Variants in METTL16 observed in about 807,000 individuals in gnomAD.
METTL16 encodes the protein RNA N(6)-adenosine-methyltransferase METTL16.
In METTL16, 19 loss-of-function variants were observed where a neutral mutation model predicts 57.9. That is an observed-to-expected ratio of 0.33 (90% CI 0.23 to 0.48). METTL16 has a LOEUF of 0.48. Among genes scored for constraint, METTL16 ranks in the 20% least tolerant of loss-of-function variants. The probability of loss-of-function intolerance (pLI) is 0.99; values close to 1 mark genes in which losing one functional copy is unlikely to be tolerated. For synonymous variants in METTL16, 246 were observed against 255.6 expected (o/e 0.96, Z 0.36); for missense variants, 434 against 691.5 (o/e 0.63, Z 4.18).
At chr17:2,454,006 T>G (rs1364944972) in intron 6 of METTL16, among the ~76,000 whole-genome samples, 1 of 152,346 alleles carries the variant, frequency 6.6e-6, no homozygotes, top group East Asian at 1.9e-4. Flanking sequence ...ATGTACTGTA[T>G]CTTATTCAAT....
At chr17:2,470,452 T>C (rs1005101875) in intron 4 of METTL16, among the ~76,000 whole-genome samples, 5 of 152,176 alleles carry the variant, frequency 3.3e-5, no homozygotes, top group Admixed American at 2.6e-4. Flanking sequence ...CTCCAATTAT[T>C]TGCCACTATG....
intron 6 of METTL16, among the ~76,000 whole-genome samples, chr17:2,449,961 A>C (rs914587362): frequency 6.6e-6 from 1 of 152,224 alleles, no homozygotes. Context: ...ACCCGTTAGA[A>C]CAGATACATT....
chr17:2,492,027 C>A lies in METTL16; in HGVS notation c.128+10177G>T, dbSNP rs559110138. On this transcript the variant is annotated intron_variant, in intron 2 of 9. Transcript: ENST00000263092. Reference sequence around the variant, plus strand: ...GAGATCGAGACCATCCTGGCTAACACGGTGAAACCCTGTCTCTACTAAAAA... The same window carrying A: ...GAGATCGAGACCATCCTGGCTAACAAGGTGAAACCCTGTCTCTACTAAAAA... 6.0e-5 allele frequency among the ~76,000 whole-genome samples: 9 copies of A among 151,138 alleles called. No individual in the cohort carries two copies. In the East Asian group the frequency reaches 1.7e-3, roughly 29 times the overall value.
At chr17:2,424,337 T>G (rs1322052739) in intron 8 of METTL16, 1 of 151,302 alleles carries the variant, frequency 6.6e-6, no homozygotes, top group Non-Finnish European at 1.5e-5. Flanking sequence ...ATGGTCTCGA[T>G]CTCCTGACCT....
intron 3 of METTL16, among the ~76,000 whole-genome samples, chr17:2,474,601 C>A (rs1040344176): frequency 1.3e-5 from 2 of 152,158 alleles, no homozygotes; most frequent in Non-Finnish European, 1.5e-5. Flanking sequence ...GAACCGCTAG[C>A]CCTGGACTGG....
chr17:2,464,361 AC>A lies in METTL16; in HGVS notation c.586-12del. 1 of 1,586,970 alleles carries A rather than the reference AC, an allele frequency of 6.3e-7. No individual in the cohort carries two copies. Among genetic ancestry groups the A allele is most frequent in the South Asian group, 1.2e-5 (1 of 85,844 alleles). The stretch of plus-strand genomic sequence containing the variant: ...TCGTGAGTTTACTCCCTGAAAAACA[AC>A]AAAAAACCCTGGTGAAAAATGTGTA... On this transcript the variant is annotated splice_polypyrimidine_tract_variant and intron_variant, in intron 5 of 9. Coordinates refer to ENST00000263092, the MANE Select transcript of METTL16 (RefSeq NM_024086.4).
chr17:2,457,607 C>T (rs1423621698), intron 6 of METTL16, among the ~76,000 whole-genome samples: 2 of 150,726 alleles, frequency 1.3e-5, no homozygotes, highest in Admixed American at 1.3e-4. Context: ...ACTTGGGAGA[C>T]TGAGGCAGGA....
At chr17:2,425,212 T>G (rs1468183330) in intron 8 of METTL16, among the ~76,000 whole-genome samples, 1 of 152,232 alleles carries the variant, frequency 6.6e-6, no homozygotes, top group African/African-American at 2.4e-5. Flanking sequence ...CTGTCAGTTT[T>G]TCCCCAATTG....
intron 6 of METTL16, among the ~76,000 whole-genome samples, chr17:2,449,695 A>ACT (rs2067054116): frequency 6.6e-6 from 1 of 152,212 alleles, no homozygotes; most frequent in African/African-American, 2.4e-5. Context: ...CTGATTTTAA[A>ACT]CAAAGGCCAC....
At chr17:2,421,282 G>C (rs918201183) in intron 8 of METTL16, among the ~76,000 whole-genome samples, 2 of 152,134 alleles carry the variant, frequency 1.3e-5, no homozygotes, top group Admixed American at 1.3e-4. Flanking sequence ...TTGAGCCCAA[G>C]ACTTCCAGGC....
chr17:2,474,534 C>T (rs1353090703), intron 3 of METTL16, among the ~76,000 whole-genome samples: 1 of 151,934 alleles, frequency 6.6e-6, no homozygotes, highest in African/African-American at 2.4e-5. Flanking sequence ...AAGAGGCAAA[C>T]GCTCCATGCA....
chr17:2,467,777 T>C lies in METTL16; in HGVS notation c.569A>G (p.Asn190Ser), dbSNP rs757232644. The change falls in exon 5 of 10, where the codon AAT becomes AGT. Residue 190 changes from asparagine (N) to serine (S), a missense_variant. Around this residue, in one of 5 missense-constraint regions of METTL16, gnomAD observed 118 missense variants for 280.0 expected, o/e 0.42. Transcript: ENST00000263092. ...ACATTTTACCTTGGCTTCCAATTGA[T>C]TGGCAAAAAAGGGAGGGTTGCACAT... ...FCMCNPPFFA[N>S]QLEAKGVNSR... 2.4e-5 allele frequency: 38 copies of C among 1,613,626 alleles called. No homozygotes were observed. Among genetic ancestry groups the C allele is most frequent in the Middle Eastern group, 1.6e-4 (1 of 6,062 alleles).
chr17:2,422,037 C>T (rs1404111591), intron 8 of METTL16, among the ~76,000 whole-genome samples: 2 of 152,106 alleles, frequency 1.3e-5, no homozygotes. Flanking sequence ...ACCTGCCGGG[C>T]GCGGTGGCTC....
At position 2,498,609 on chromosome 17, in the gene METTL16, C is replaced by G. The variant is rs1462877531; in HGVS notation, c.128+3595G>C. Among the ~76,000 whole-genome samples the G allele has an allele frequency of 2.1e-5, 3 of 145,968 alleles. 1 individual carries two copies. Among genetic ancestry groups the G allele is most frequent in the African/African-American group, 7.7e-5 (3 of 38,712 alleles). ...CAAAAATTAGATGGCCGTGGTGGTG[C>G]GAGCCTGTAATCCCAGCTACTCAGG... On this transcript the variant is annotated intron_variant, in intron 2 of 9. Transcript: ENST00000263092.
At chr17:2,451,660 A>C (rs2067070849) in intron 6 of METTL16, among the ~76,000 whole-genome samples, 1 of 151,938 alleles carries the variant, frequency 6.6e-6, no homozygotes, top group Non-Finnish European at 1.5e-5. Flanking sequence ...AAAGTGTATA[A>C]ATGGATTCAT....
At chr17:2,430,432 T>TC (rs1339263523) in intron 8 of METTL16, among the ~76,000 whole-genome samples, 1 of 134,002 alleles carries the variant, frequency 7.5e-6, no homozygotes, top group African/African-American at 2.8e-5. Flanking sequence ...TTTTTTTTTT[T>TC]TGAGACGGAG....
intron 6 of METTL16, among the ~76,000 whole-genome samples, chr17:2,441,794 C>G (rs1386717319): frequency 6.6e-6 from 1 of 152,154 alleles, no homozygotes; most frequent in Non-Finnish European, 1.5e-5. Context: ...CTTAGCCTCT[C>G]CAATGCTTCA....
intron 6 of METTL16, among the ~76,000 whole-genome samples, chr17:2,443,665 T>C (rs532635422): frequency 1.3e-5 from 2 of 152,016 alleles, no homozygotes; most frequent in Admixed American, 1.3e-4. Context: ...TTTTTTTTAT[T>C]ATTATTTTTA....
chr17:2,427,687 C>T (rs1464168288), intron 8 of METTL16, among the ~76,000 whole-genome samples: 1 of 151,998 alleles, frequency 6.6e-6, no homozygotes, highest in Non-Finnish European at 1.5e-5. Context: ...AAGTGATCCC[C>T]CCGCCTCAGC....
Sources: gnomAD v4.1 joint callset for allele counts (sites outside exome capture counted in the v4.1 genomes callset) on GRCh38, gnomAD v4.1.1 for gene constraint, gnomAD v4.1.1 regional missense constraint, MANE v1.5 for transcripts, NCBI Gene and HGNC (gene_info 2026-07-23, HGNC 2026-07-21) for gene names.